The following DIAPH3 variants were observed in gnomAD, a reference collection of about 807,000 sequenced individuals.
DIAPH3 encodes protein diaphanous homolog 3.
In DIAPH3, 117 loss-of-function variants were observed where a neutral mutation model predicts 144.3. The ratio of observed to expected loss-of-function variants is 0.81; its 90% CI spans 0.70 to 0.95. DIAPH3 has a LOEUF of 0.95. DIAPH3 is among the 40% of genes least tolerant of loss of function. The pLI, the probability that DIAPH3 is intolerant of heterozygous loss-of-function variation, is 0.00. For synonymous variants in DIAPH3, 519 were observed against 488.9 expected, an observed-to-expected ratio of 1.06 and a Z score of -0.81; for missense variants, 1,421 against 1,412.7, an observed-to-expected ratio of 1.01 and a Z score of -0.09.
chr13:59,707,454 C>G (rs1212317673), intron 27 of DIAPH3, among the ~76,000 whole-genome samples: 1 of 152,054 alleles, frequency 6.6e-6, no homozygotes, highest in African/African-American at 2.4e-5. Flanking sequence ...AAGAAGAAAA[C>G]TGCAGAATAA....
chr13:59,945,641 T>C (rs527428066), intron 17 of DIAPH3, among the ~76,000 whole-genome samples: 1 of 148,540 alleles, frequency 6.7e-6, no homozygotes, highest in South Asian at 2.1e-4. Context: ...AAAGCCACAC[T>C]AGCACTAAGA....
intron 7 of DIAPH3, among the ~76,000 whole-genome samples, chr13:60,011,291 C>T (rs956598324): frequency 1.1e-4 from 16 of 151,982 alleles, no homozygotes; most frequent in African/African-American, 3.9e-4. Flanking sequence ...CCAACAGAAG[C>T]ATATGAAACA....
At chr13:60,156,195 A>G (rs1952015005) in intron 1 of DIAPH3, among the ~76,000 whole-genome samples, 1 of 152,172 alleles carries the variant, frequency 6.6e-6, no homozygotes, top group South Asian at 2.1e-4. Flanking sequence ...CTGCAGTCAC[A>G]ACACTCTCTC....
intron 18 of DIAPH3, among the ~76,000 whole-genome samples, chr13:59,922,141 T>G (rs1441558363): frequency 6.6e-6 from 1 of 151,944 alleles, no homozygotes; most frequent in Non-Finnish European, 1.5e-5. Context: ...CTATAAAATC[T>G]GGAAGAAGAT....
chr13:60,034,796 C>T (rs771472719), intron 5 of DIAPH3: 4 of 152,020 alleles, frequency 2.6e-5, no homozygotes, highest in African/African-American at 7.3e-5. Flanking sequence ...ATTTTCTCCC[C>T]GTTATACTTA....
chr13:60,159,973 C>T (rs994860190), intron 1 of DIAPH3, among the ~76,000 whole-genome samples: 18 of 152,146 alleles, frequency 1.2e-4, no homozygotes, highest in Admixed American at 2.6e-4. Context: ...CGCCTGTAAT[C>T]CCAGCACTTT....
chr13:60,069,327 G>T (rs9538559), intron 4 of DIAPH3, among the ~76,000 whole-genome samples: 1 of 151,672 alleles, frequency 6.6e-6, no homozygotes, highest in South Asian at 2.1e-4. Context: ...TTTTTAATGG[G>T]GTTGTTTTTT....
intron 27 of DIAPH3, among the ~76,000 whole-genome samples, chr13:59,710,019 C>T (rs2034645347): frequency 6.6e-6 from 1 of 151,930 alleles, no homozygotes; most frequent in East Asian, 1.9e-4. Context: ...ACTGCATATT[C>T]TCACTCATAG....
In DIAPH3 at chr13:59,970,860, A is replaced by G; in HGVS notation, c.1951T>C (p.Trp651Arg). The stretch of plus-strand genomic sequence containing the variant: ...CTATTAATTTCTTTTACCTTTAACC[A>G]ATTCAATCTTCTCATGCTGATTTCA... Reference protein sequence around the residue: ...KPEISMRRLNWLKIRPHEMTE... With the variant: ...KPEISMRRLNRLKIRPHEMTE... The change falls in exon 16 of 28, where the codon TGG becomes CGG. Residue 651 changes from tryptophan to arginine, a missense_variant. Physicochemically the swap from Trp to Arg is moderately radical, Grantham distance 101. Coordinates refer to ENST00000400324, the MANE Select transcript of DIAPH3 (RefSeq NM_001042517.2). 6.2e-7 allele frequency: 1 copy of G among 1,612,458 alleles called. No homozygotes were observed.
intron 24 of DIAPH3, among the ~76,000 whole-genome samples, chr13:59,816,057 G>C (rs2040755008): frequency 1.3e-5 from 2 of 152,014 alleles, no homozygotes; most frequent in Admixed American, 1.3e-4. Flanking sequence ...TGACTTGACT[G>C]AGAGAAATTT....
At chr13:60,043,715 G>A (rs1425321198) in intron 4 of DIAPH3, among the ~76,000 whole-genome samples, 1 of 152,142 alleles carries the variant, frequency 6.6e-6, no homozygotes, top group African/African-American at 2.4e-5. Context: ...TTTAAGTACT[G>A]AGAATAGAGC....
intron 4 of DIAPH3, among the ~76,000 whole-genome samples, chr13:60,051,232 A>AAT (rs565915414): frequency 6.6e-5 from 10 of 151,854 alleles, no homozygotes; most frequent in African/African-American, 1.2e-4. Context: ...GTGGGAAAAA[A>AAT]ATATATATAT....
chr13:60,154,499 G>A (rs1951934737), intron 1 of DIAPH3, among the ~76,000 whole-genome samples: 1 of 152,114 alleles, frequency 6.6e-6, no homozygotes, highest in Non-Finnish European at 1.5e-5. Context: ...TGGGTCTTTT[G>A]AAGAATAAAA....
intron 27 of DIAPH3, among the ~76,000 whole-genome samples, chr13:59,705,095 A>G (rs979816109): frequency 1.3e-5 from 2 of 152,156 alleles, no homozygotes; most frequent in Non-Finnish European, 2.9e-5. Context: ...TTTTACCATA[A>G]TTTACTAGGC....
chr13:60,017,988 TG>T (rs745779026), intron 5 of DIAPH3, among the ~76,000 whole-genome samples: 6 of 152,178 alleles, frequency 3.9e-5, no homozygotes, highest in Non-Finnish European at 7.3e-5. Context: ...CTGTTTGCCT[TG>T]TTGACATCCT....
At chr13:59,797,600 G>A (rs1566323496) in intron 25 of DIAPH3, among the ~76,000 whole-genome samples, 3 of 152,152 alleles carry the variant, frequency 2.0e-5, no homozygotes, top group African/African-American at 7.2e-5. Flanking sequence ...AATATCACCT[G>A]CCAGCAAAAT....
chr13:59,906,472 C>A (rs1029443750), intron 20 of DIAPH3, among the ~76,000 whole-genome samples: 1 of 152,118 alleles, frequency 6.6e-6, no homozygotes, highest in Non-Finnish European at 1.5e-5. Flanking sequence ...TTCAATATTT[C>A]TATGTTATTT....
intron 17 of DIAPH3, among the ~76,000 whole-genome samples, chr13:59,962,745 T>G (rs140357083): frequency 5.6e-4 from 86 of 152,228 alleles, no homozygotes; most frequent in African/African-American, 2.0e-3. Flanking sequence ...CCAGCATCTC[T>G]GTGTCTGCTT....
intron 3 of DIAPH3, among the ~76,000 whole-genome samples, chr13:60,100,745 G>A (rs2058245835): frequency 6.6e-6 from 1 of 151,006 alleles, no homozygotes; most frequent in Non-Finnish European, 1.5e-5. Flanking sequence ...TAAATAACTT[G>A]GGGTAAAAAA....
Sources: allele counts gnomAD v4.1 joint callset (sites outside exome capture counted in the v4.1 genomes callset), GRCh38; gene constraint gnomAD v4.1.1; transcripts MANE v1.5; gene names NCBI Gene and HGNC (gene_info 2026-07-23, HGNC 2026-07-21).